The following FCHO2 variants were observed in gnomAD, a reference collection of about 807,000 sequenced individuals.
FCHO2 encodes the protein FCH and mu domain containing endocytic adaptor 2.
A neutral mutation model predicts 114.1 loss-of-function variants in FCHO2; 43 were observed. The observed-to-expected ratio is 0.38, with a 90% confidence interval of 0.30 to 0.49. FCHO2 has a LOEUF of 0.49. Among genes scored for constraint, FCHO2 ranks in the 20% least tolerant of loss-of-function variants. FCHO2 has a pLI of 0.97. For synonymous variants in FCHO2, 293 were observed against 315.2 expected (o/e 0.93, Z 0.75); for missense variants, 807 against 950.4 (o/e 0.85, Z 1.98).
intron 19 of FCHO2, 51 bp from the exon 20 acceptor site, chr5:73,074,691 T>A: frequency 5.3e-6 from 8 of 1,509,512 alleles, no homozygotes; most frequent in Non-Finnish European, 4.5e-6. Flanking sequence ...ATCTTGATAT[T>A]TAATTTATGT....
Position 73,015,741 on chromosome 5 carries a change from T to C in FCHO2, c.699+17T>C. On this transcript the variant is annotated intron_variant, in intron 7 of 25. Coordinates refer to ENST00000430046, the MANE Select transcript of FCHO2 (RefSeq NM_138782.3). ...ATAGGCCAGGTAAGTTTTTTTACTT[T>C]ATGTTGAACTATTCATGAAAAATTT... 6.9e-7 allele frequency: 1 copy of C among 1,441,024 alleles called. No individual in the cohort carries two copies. Among genetic ancestry groups the C allele is most frequent in the Non-Finnish European group, 9.4e-7 (1 of 1,067,024 alleles). The allele number at this position is 1,441,024 out of a possible 1,614,324, so 89.3% of individuals were successfully genotyped here.
At chr5:73,037,672 G>A in intron 10 of FCHO2, 1 of 302,526 alleles carries the variant, frequency 3.3e-6, no homozygotes, top group Non-Finnish European at 6.4e-6. Flanking sequence ...TTAAATAGGG[G>A]AGAGAAAAGC....
Position 73,058,520 on chromosome 5 carries a change from A to G in FCHO2, c.1341A>G (p.Ser447=). ...SSSSSSLTSS[S]SARPTTPLSV... is the part of the protein sequence containing the mutation. The stretch of plus-strand genomic sequence containing the variant: ...CTTCATCTTCACTAACTTCATCATC[A>G]TCAGGTAAATATATATATGTATATA... Residue 447 remains serine (S), a synonymous_variant, in exon 17 of 26, where the codon TCA becomes TCG. Coordinates refer to ENST00000430046, the MANE Select transcript of FCHO2 (RefSeq NM_138782.3). The G allele has an allele frequency of 7.9e-7, 1 of 1,268,724 alleles. No homozygotes were observed. Among genetic ancestry groups the G allele is most frequent in the East Asian group, 2.5e-5 (1 of 39,930 alleles). 78.6% of individuals were successfully genotyped at this position (1,268,724 alleles called of 1,614,324 possible). A position where few individuals can be genotyped will look rare whatever the true frequency, so the allele number is the denominator to read the frequency against.
chr5:73,081,811 C>A lies in FCHO2; in HGVS notation c.2009C>A (p.Pro670His). 1 of 1,591,996 alleles carries A rather than the reference C, an allele frequency of 6.3e-7. No individual in the cohort carries two copies. Among genetic ancestry groups the A allele is most frequent in the Non-Finnish European group, 8.6e-7 (1 of 1,168,336 alleles). Residue 670 changes from proline to histidine, a missense_variant, in exon 23 of 26, where the codon CCT (proline) becomes CAT (histidine). Pro to His is a moderately conservative substitution (Grantham distance 77, BLOSUM62 -2). Transcript: ENST00000430046. ...QVSSNGIQST[P>H]LNLATYWKCS... ...TCATCAAATGGTATTCAGTCCACTC[C>A]TCTGAATCTTGCAACATACTGGAAA... is the stretch of plus-strand genomic sequence containing the variant.
At chr5:73,078,579 T>C (rs148310243) in intron 22 of FCHO2, among the ~76,000 whole-genome samples, 1 of 152,328 alleles carries the variant, frequency 6.6e-6, no homozygotes, top group Non-Finnish European at 1.5e-5. Flanking sequence ...GTCTTAACAA[T>C]GAAACTCCCA....
chr5:72,968,375 G>A, intron 1 of FCHO2, 123 bp from the exon 2 acceptor site: 1 of 617,324 alleles, frequency 1.6e-6, no homozygotes, highest in Non-Finnish European at 2.6e-6. Flanking sequence ...CAATAAATGA[G>A]AAAAATTTAT....
At chr5:72,961,788 T>C (rs1187795577) in intron 1 of FCHO2, among the ~76,000 whole-genome samples, 1 of 152,058 alleles carries the variant, frequency 6.6e-6, no homozygotes, top group Non-Finnish European at 1.5e-5. Flanking sequence ...GAGATGGGGA[T>C]TCTCCATGTT....
At chr5:73,031,526 T>G (rs1442983385) in intron 8 of FCHO2, among the ~76,000 whole-genome samples, 1 of 152,190 alleles carries the variant, frequency 6.6e-6, no homozygotes, top group African/African-American at 2.4e-5. Flanking sequence ...CACAAAACAT[T>G]TGTGGTGATC....
intron 1 of FCHO2, among the ~76,000 whole-genome samples, chr5:72,961,475 T>C (rs1372395965): frequency 1.3e-5 from 2 of 152,190 alleles, no homozygotes; most frequent in Admixed American, 1.3e-4. Context: ...ATATTTACTT[T>C]ATACATTAAG....
At chr5:72,957,469 A>G (rs1160622105) in intron 1 of FCHO2, among the ~76,000 whole-genome samples, 1 of 152,226 alleles carries the variant, frequency 6.6e-6, no homozygotes, top group Admixed American at 6.5e-5. Context: ...AAATGGGGCC[A>G]TGGTGACCAG....
At position 72,971,882 on chromosome 5, in the gene FCHO2, G is replaced by A. The variant is rs1308859972; in HGVS notation, c.125+3293G>A. ...CATCGTGAATTGATTTTTGTATAAGGTGTAAGGAAGGGATCCAGTTTCAGC... is the reference window on the plus strand; with the variant it reads ...CATCGTGAATTGATTTTTGTATAAGATGTAAGGAAGGGATCCAGTTTCAGC... On this transcript the variant is annotated intron_variant, in intron 2 of 25. Coordinates refer to ENST00000430046, the MANE Select transcript of FCHO2 (RefSeq NM_138782.3). 6.6e-5 allele frequency among the ~76,000 whole-genome samples: 10 copies of A among 152,178 alleles called. No homozygotes were observed. In the East Asian group the frequency reaches 1.9e-3, roughly 29 times the overall value.
At chr5:73,054,721 C>T (rs1423763953) in intron 15 of FCHO2, among the ~76,000 whole-genome samples, 172 bp downstream of exon 15, 1 of 152,062 alleles carries the variant, frequency 6.6e-6, no homozygotes, top group African/African-American at 2.4e-5. Flanking sequence ...ATATTATTTC[C>T]TGTAGAGCTG....
At chr5:72,956,247 C>T in intron 1 of FCHO2, 118 bp downstream of exon 1, 27 of 1,357,496 alleles carry the variant, frequency 2.0e-5, no homozygotes, top group Non-Finnish European at 2.5e-5. Context: ...GAGCGTCCTC[C>T]TGCCGCGTCC....
chr5:73,063,000 A>G (rs1339506514), intron 17 of FCHO2, among the ~76,000 whole-genome samples: 2 of 152,122 alleles, frequency 1.3e-5, no homozygotes, highest in Non-Finnish European at 2.9e-5. Flanking sequence ...AAGGGCTTTG[A>G]AAATCATTTA....
chr5:72,981,609 A>C (rs755287952), intron 2 of FCHO2, among the ~76,000 whole-genome samples: 1 of 152,212 alleles, frequency 6.6e-6, no homozygotes, highest in Non-Finnish European at 1.5e-5. Context: ...GTGGTTTCAC[A>C]TAGTCCCATA....
Position 73,041,274 on chromosome 5 carries a change from A to C in FCHO2, c.915-17A>C. The C allele has an allele frequency of 6.9e-7, 1 of 1,458,968 alleles. No individual in the cohort carries two copies. Among genetic ancestry groups the C allele is most frequent in the Non-Finnish European group, 9.6e-7 (1 of 1,046,464 alleles). The allele number at this position is 1,458,968 out of a possible 1,614,324, so 90.4% of individuals were successfully genotyped here. ...CAATTCTAATTATTGAGTATTTCTG[A>C]TATTTTGTTTTAATAGGGAATGTCC... On this transcript the variant is annotated splice_polypyrimidine_tract_variant and intron_variant, in intron 10 of 25. Transcript: ENST00000430046.
intron 1 of FCHO2, among the ~76,000 whole-genome samples, chr5:72,956,547 G>T (rs973257770): frequency 6.6e-6 from 1 of 152,066 alleles, no homozygotes; most frequent in African/African-American, 2.4e-5. Flanking sequence ...GGGCGGTGGG[G>T]TTTTGCCTCC....
intron 10 of FCHO2, among the ~76,000 whole-genome samples, chr5:73,038,534 G>C (rs1054201458): frequency 6.6e-6 from 1 of 152,102 alleles, no homozygotes; most frequent in Non-Finnish European, 1.5e-5. Context: ...ATAATCAAAG[G>C]AATTCTCATG....
chr5:73,020,913 G>A (rs959052831), intron 8 of FCHO2: 52 of 1,356,050 alleles, frequency 3.8e-5, no homozygotes, highest in Non-Finnish European at 4.8e-5. Flanking sequence ...CATCTTTATC[G>A]AAATCATATA....
Sources: allele counts gnomAD v4.1 joint callset (sites outside exome capture counted in the v4.1 genomes callset), GRCh38; gene constraint gnomAD v4.1.1; transcripts MANE v1.5; gene names NCBI Gene and HGNC (gene_info 2026-07-23, HGNC 2026-07-21).